The following AP3B2 variants were observed in gnomAD, a reference collection of about 807,000 sequenced individuals.
AP3B2 encodes adaptor related protein complex 3 subunit beta 2, also known as AP-3 complex subunit beta-2.
In AP3B2, 50 loss-of-function variants were observed where a neutral mutation model predicts 126.9. The ratio of observed to expected loss-of-function variants is 0.39; its 90% CI spans 0.31 to 0.50. The LOEUF is 0.50. Ranked by LOEUF, AP3B2 falls within the 20% of genes least tolerant of loss-of-function variation. AP3B2 has a pLI of 0.79. For missense variants in AP3B2, 1,177 were observed against 1,426.4 expected, an observed-to-expected ratio of 0.83 and a Z score of 2.82; for synonymous variants, 541 against 565.0, an observed-to-expected ratio of 0.96 and a Z score of 0.60.
At chr15:82,659,779 C>T in intron 26 of AP3B2, 66 bp downstream of exon 26, 1 of 1,609,186 alleles carries the variant, frequency 6.2e-7, no homozygotes, top group Admixed American at 1.7e-5. Context: ...GGATCAGCAG[C>T]TGGGGCTCCT....
chr15:82,695,095 CTT>C (rs747831776), intron 1 of AP3B2, among the ~76,000 whole-genome samples: 186 of 134,770 alleles, frequency 1.4e-3, no homozygotes, highest in East Asian at 3.7e-3. Context: ...TTCTTTCTTT[CTT>C]TTTTTTTTTT....
chr15:82,709,465 G>T, intron 1 of AP3B2, 129 bp downstream of exon 1: 1 of 456,672 alleles, frequency 2.2e-6, no homozygotes, highest in Non-Finnish European at 2.9e-6. Context: ...GGAGGGGGCC[G>T]GGCGGGCTTC....
Position 82,665,256 on chromosome 15 carries a change from T to G in AP3B2, c.2019A>C (p.Glu673Asp). The stretch of plus-strand genomic sequence containing the variant: ...CACACGAAGGTGGGACCTCAGTGTA[T>G]TCGCCCAACAGGCCCACGTGAGTCT... ...LIETHVGLLG[E>D]YTEVPEWTKC... The change falls in exon 17 of 27, where the codon GAA becomes GAC. Residue 673 changes from glutamate to aspartate, a missense_variant. Glu to Asp is a conservative substitution (Grantham distance 45, BLOSUM62 2). Transcript: ENST00000535359. The surrounding 1 kb of genome is among the most constrained non-coding windows in gnomAD (Gnocchi z 4.4). The G allele has an allele frequency of 6.5e-7, 1 of 1,539,390 alleles. No homozygotes were observed. Among genetic ancestry groups the G allele is most frequent in the Non-Finnish European group, 8.7e-7 (1 of 1,148,584 alleles).
chr15:82,664,252 C>A lies in AP3B2; in HGVS notation c.2261+115G>T. On this transcript the variant is annotated intron_variant, in intron 19 of 26. Coordinates refer to ENST00000535359, the MANE Select transcript of AP3B2 (RefSeq NM_001278512.2). This position sits in a 1 kb window ranked among gnomAD's most constrained non-coding sequence, Gnocchi z 4.5. ...GGCGTCATGTGAGCTGACAGCCCCA[C>A]CCAGCTCACGAGGGGCTCAGGGGCT... The A allele has an allele frequency of 6.6e-7, 1 of 1,516,958 alleles. No homozygotes were observed. Among genetic ancestry groups the A allele is most frequent in the Non-Finnish European group, 9.0e-7 (1 of 1,116,676 alleles). 94.0% of individuals were successfully genotyped at this position (1,516,958 alleles called of 1,614,324 possible).
Position 82,663,205 on chromosome 15 carries a change from A to G in AP3B2, c.2526T>C (p.Ser842=). 2 of 1,612,914 alleles carry G rather than the reference A, an allele frequency of 1.2e-6. No homozygotes were observed. The highest frequency in any genetic ancestry group is 1.7e-6 in the Non-Finnish European group (2 of 1,179,690). The change falls in exon 22 of 27, where the codon TCT becomes TCC. Residue 842 remains serine, a synonymous_variant. Transcript: ENST00000535359. ...GACTGGTAGACACAATTGCTGGGGG[A>G]GACACAGGCTGGACACTGGGAGGGG... ...DFTPPSVQPV[S]PPAIVSTSLA...
At chr15:82,703,781 C>T (rs1213100890) in intron 1 of AP3B2, among the ~76,000 whole-genome samples, 1 of 152,036 alleles carries the variant, frequency 6.6e-6, no homozygotes, top group Admixed American at 6.6e-5. Flanking sequence ...CTTTCCCTCC[C>T]GCCTGTCCCC....
intron 1 of AP3B2, among the ~76,000 whole-genome samples, chr15:82,690,578 C>T (rs1363392663): frequency 1.3e-5 from 2 of 150,182 alleles, no homozygotes; most frequent in Non-Finnish European, 3.0e-5. Context: ...ACAAAGGACA[C>T]GAACTCATCC....
chr15:82,701,975 T>G (rs1014358191), intron 1 of AP3B2, among the ~76,000 whole-genome samples: 24 of 152,200 alleles, frequency 1.6e-4, no homozygotes, highest in African/African-American at 5.8e-4. Flanking sequence ...CCCTCCTTCT[T>G]GAAATTACAT....
chr15:82,702,955 C>T (rs1799185590), intron 1 of AP3B2, among the ~76,000 whole-genome samples: 1 of 152,084 alleles, frequency 6.6e-6, no homozygotes, highest in Admixed American at 6.6e-5. Flanking sequence ...TCTTCTCCAA[C>T]CTCTCTCACT....
chr15:82,661,809 C>G lies in AP3B2; in HGVS notation c.3016+16G>C, dbSNP rs764432679. On this transcript the variant is annotated intron_variant, in intron 25 of 26. Transcript: ENST00000535359. Reference sequence around the variant, plus strand: ...TTCTATACTTCCCTCTCTGCCCACTCCCAGGGAGCACTCACCCTGTTCCTT... The same window carrying G: ...TTCTATACTTCCCTCTCTGCCCACTGCCAGGGAGCACTCACCCTGTTCCTT... The G allele has an allele frequency of 6.2e-7, 1 of 1,602,254 alleles. No individual in the cohort carries two copies. Among genetic ancestry groups the G allele is most frequent in the East Asian group, 2.2e-5 (1 of 44,728 alleles).
At chr15:82,666,580 A>G (rs893904949) in intron 15 of AP3B2, among the ~76,000 whole-genome samples, 167 bp downstream of exon 15, 12 of 152,122 alleles carry the variant, frequency 7.9e-5, no homozygotes, top group Admixed American at 7.9e-4. Flanking sequence ...GGAGGGTGAA[A>G]GAGTAATTCC....
rs757297311 is a variant in AP3B2 at position 82,665,218 on chromosome 15, A to G, written c.2028+29T>C. On this transcript the variant is annotated intron_variant, in intron 17 of 26. Coordinates refer to ENST00000535359, the MANE Select transcript of AP3B2 (RefSeq NM_001278512.2). The surrounding 1 kb of genome is among the most constrained non-coding windows in gnomAD (Gnocchi z 4.4). ...AAGAGGGACACAGACAGGGCAGGGG[A>G]GAGAGCACACGTCACACGAAGGTGG... 1.6e-5 allele frequency: 25 copies of G among 1,534,138 alleles called. No homozygotes were observed. The East Asian group carries it at 5.6e-4, about 34-fold the overall frequency.
At chr15:82,663,045 C>A in intron 22 of AP3B2, 82 bp downstream of exon 22, 1 of 1,487,382 alleles carries the variant, frequency 6.7e-7, no homozygotes, top group Non-Finnish European at 9.2e-7. Flanking sequence ...TCACACCCAC[C>A]CCCCACACAC....
chr15:82,688,571 C>T, intron 4 of AP3B2, 165 bp downstream of exon 4: 1 of 725,998 alleles, frequency 1.4e-6, no homozygotes, highest in East Asian at 2.7e-5. Flanking sequence ...CTTCCACTCT[C>T]TGAGGGTCTG....
intron 1 of AP3B2, chr15:82,689,927 C>T: frequency 6.4e-6 from 1 of 157,292 alleles, no homozygotes; most frequent in Admixed American, 6.1e-5. Flanking sequence ...CATGGTGAAA[C>T]AATGTGTCTA....
At chr15:82,687,092 T>C (rs1370214545) in intron 4 of AP3B2, 1 of 152,104 alleles carries the variant, frequency 6.6e-6, no homozygotes, top group Non-Finnish European at 1.5e-5. Flanking sequence ...ACACCCCAAA[T>C]AGTGGTAGTT....
chr15:82,708,392 C>T (rs934556644), intron 1 of AP3B2, among the ~76,000 whole-genome samples: 3 of 152,108 alleles, frequency 2.0e-5, no homozygotes, highest in East Asian at 3.9e-4. Context: ...TTCACATGGA[C>T]GTGCGTGAAA....
chr15:82,687,495 C>G (rs1447403462), intron 4 of AP3B2: 2 of 152,220 alleles, frequency 1.3e-5, no homozygotes, highest in African/African-American at 4.8e-5. Context: ...ATACTTAACC[C>G]TTACTCAAAC....
chr15:82,677,470 C>G (rs1828263429), intron 12 of AP3B2, 87 bp from the exon 13 acceptor site: 2 of 1,412,664 alleles, frequency 1.4e-6, no homozygotes, highest in South Asian at 2.5e-5. Flanking sequence ...GCCCCAGGCC[C>G]TTGGCTCTTT....
Sources: gnomAD v4.1 joint callset for allele counts (sites outside exome capture counted in the v4.1 genomes callset) on GRCh38, gnomAD v4.1.1 for gene constraint, Gnocchi (gnomAD v3.1) non-coding constraint, MANE v1.5 for transcripts, NCBI Gene and HGNC (gene_info 2026-07-23, HGNC 2026-07-21) for gene names.